The following NRXN3 variants were observed in gnomAD, a reference collection of about 807,000 sequenced individuals.
NRXN3 encodes the protein neurexin 3.
In NRXN3, 32 loss-of-function variants were observed where a neutral mutation model predicts 137.6. The ratio of observed to expected loss-of-function variants is 0.23; its 90% confidence interval spans 0.18 to 0.31. The LOEUF (loss-of-function observed/expected upper bound fraction) is 0.31, where lower values mean the gene tolerates loss of function less well. NRXN3 is among the 10% of genes least tolerant of loss of function. The pLI is 1.00. For synonymous variants in NRXN3, 798 were observed against 784.5 expected, an observed-to-expected ratio of 1.02 and a Z score of -0.29; for missense variants, 1,574 against 2,062.5, an observed-to-expected ratio of 0.76 and a Z score of 4.59.
chr14:78,374,426 A>G (rs1350391277), intron 4 of NRXN3, among the ~76,000 whole-genome samples: 1 of 152,222 alleles, frequency 6.6e-6, no homozygotes, highest in Non-Finnish European at 1.5e-5. Context: ...AAACTGTATT[A>G]TTCTTTTAAA....
intron 3 of NRXN3, among the ~76,000 whole-genome samples, chr14:78,279,369 T>C (rs1376879039): frequency 6.6e-6 from 1 of 152,226 alleles, no homozygotes; most frequent in Non-Finnish European, 1.5e-5. Flanking sequence ...CATAGAATCA[T>C]GTGAACTGAT....
intron 15 of NRXN3, among the ~76,000 whole-genome samples, chr14:79,336,402 T>A (rs2092263141): frequency 6.6e-6 from 1 of 152,072 alleles, no homozygotes; most frequent in Non-Finnish European, 1.5e-5. Flanking sequence ...CCCAAAACAA[T>A]TGTCCTCTAT....
intron 4 of NRXN3, among the ~76,000 whole-genome samples, chr14:78,373,771 G>A (rs954536217): frequency 6.6e-6 from 1 of 152,156 alleles, no homozygotes; most frequent in African/African-American, 2.4e-5. Flanking sequence ...ATTCCTGGCA[G>A]AGCTATTGAG....
chr14:78,618,658 C>A (rs980263122), intron 4 of NRXN3, among the ~76,000 whole-genome samples: 3 of 152,194 alleles, frequency 2.0e-5, no homozygotes, highest in African/African-American at 7.2e-5. Context: ...GAGCTTCCTC[C>A]ATGTGTTCTG....
chr14:78,667,709 T>C (rs972965845), intron 6 of NRXN3, among the ~76,000 whole-genome samples: 1 of 152,164 alleles, frequency 6.6e-6, no homozygotes. Context: ...GATAAATATG[T>C]GTGCATATGT....
chr14:79,653,451 A>C (rs1258691070), intron 16 of NRXN3, among the ~76,000 whole-genome samples: 3 of 152,178 alleles, frequency 2.0e-5, no homozygotes, highest in Admixed American at 1.3e-4. Flanking sequence ...TTCCAAACGA[A>C]ATGTGATATC....
intron 4 of NRXN3, among the ~76,000 whole-genome samples, chr14:78,523,994 A>G (rs2096334850): frequency 6.6e-6 from 1 of 152,098 alleles, no homozygotes; most frequent in Non-Finnish European, 1.5e-5. Flanking sequence ...CAGCCCAATC[A>G]ATGTCCTGGG....
At chr14:79,055,654 T>A (rs190969681) in intron 15 of NRXN3, among the ~76,000 whole-genome samples, 6 of 152,292 alleles carry the variant, frequency 3.9e-5, no homozygotes, top group Admixed American at 3.9e-4. Context: ...AACATTCTAA[T>A]CTTAATAGGA....
At chr14:79,043,690 T>C (rs1292381587) in intron 15 of NRXN3, among the ~76,000 whole-genome samples, 1 of 152,188 alleles carries the variant, frequency 6.6e-6, no homozygotes, top group Non-Finnish European at 1.5e-5. Flanking sequence ...GGCGGCAGTG[T>C]GGCTTGTGGT....
At chr14:78,614,792 G>A in intron 4 of NRXN3, 1 of 344,084 alleles carries the variant, frequency 2.9e-6, no homozygotes, top group Admixed American at 3.7e-5. Flanking sequence ...TTGTGCCCAA[G>A]GCACTCCCTA....
chr14:79,350,625 G>C (rs557269598), intron 15 of NRXN3, among the ~76,000 whole-genome samples: 2 of 152,168 alleles, frequency 1.3e-5, no homozygotes, highest in African/African-American at 2.4e-5. Flanking sequence ...TGTTTTCATA[G>C]GTTTTTTTTA....
At chr14:79,334,810 G>A (rs2153342843) in intron 15 of NRXN3, among the ~76,000 whole-genome samples, 1 of 152,238 alleles carries the variant, frequency 6.6e-6, no homozygotes, top group African/African-American at 2.4e-5. Flanking sequence ...AGAGTTGTGA[G>A]CTGTGACTTG....
At chr14:78,993,328 A>G (rs745767090) in intron 15 of NRXN3, among the ~76,000 whole-genome samples, 1 of 152,216 alleles carries the variant, frequency 6.6e-6, no homozygotes, top group Non-Finnish European at 1.5e-5. Context: ...GGGGACAGAT[A>G]TGTGTATACT....
At chr14:79,436,593 C>T (rs923557627) in intron 15 of NRXN3, among the ~76,000 whole-genome samples, 165 of 152,204 alleles carry the variant, frequency 1.1e-3, no homozygotes, top group African/African-American at 3.8e-3. Flanking sequence ...ACATTAGTAG[C>T]GGCCAAGTTA....
chr14:79,332,446 C>A (rs1207952340), intron 15 of NRXN3, among the ~76,000 whole-genome samples: 1 of 152,198 alleles, frequency 6.6e-6, no homozygotes, highest in Non-Finnish European at 1.5e-5. Flanking sequence ...GCTTACGCAC[C>A]TTTCTGTGTG....
intron 1 of NRXN3, among the ~76,000 whole-genome samples, chr14:78,224,987 C>T (rs1486070310): frequency 4.6e-5 from 7 of 152,090 alleles, no homozygotes; most frequent in Admixed American, 2.0e-4. Flanking sequence ...AGGATGGTCT[C>T]GATCTCCTGA....
Position 78,638,995 on chromosome 14 carries a change from T to C in NRXN3, c.758-6125T>C, listed in dbSNP as rs879851547. ...TTTGCCTGGAAAGCACTGGCCAGAATTGGGTGATCTGTGAGTTCACGACTT... is the reference window on the plus strand; with the variant it reads ...TTTGCCTGGAAAGCACTGGCCAGAACTGGGTGATCTGTGAGTTCACGACTT... On this transcript the variant is annotated intron_variant, in intron 4 of 20. Transcript: ENST00000335750. 7.9e-5 allele frequency among the ~76,000 whole-genome samples: 12 copies of C among 152,304 alleles called. No individual in the cohort carries two copies. The East Asian group carries it at 1.5e-3, about 20-fold the overall frequency.
At chr14:78,376,436 C>T (rs976109) in intron 4 of NRXN3, among the ~76,000 whole-genome samples, 44,103 of 152,040 alleles carry the variant, frequency 0.29, 7,983 homozygotes, top group Admixed American at 0.41. Context: ...CACAGGGACT[C>T]CCACTCCCAA....
At chr14:78,690,961 A>T (rs954160784) in intron 6 of NRXN3, among the ~76,000 whole-genome samples, 1 of 152,178 alleles carries the variant, frequency 6.6e-6, no homozygotes, top group Non-Finnish European at 1.5e-5. Flanking sequence ...AAAACAGGAA[A>T]GAGAGCCTTC....
Sources: gnomAD v4.1 joint callset for allele counts (sites outside exome capture counted in the v4.1 genomes callset) on GRCh38, gnomAD v4.1.1 for gene constraint, MANE v1.5 for transcripts, NCBI Gene and HGNC (gene_info 2026-07-23, HGNC 2026-07-21) for gene names.